DIP2C: variants seen among roughly 807,000 people sequenced by gnomAD.
DIP2C encodes the protein disco-interacting protein 2 homolog C.
DIP2C carries 33 observed loss-of-function variants against 192.4 expected under a neutral mutation model. That is an observed-to-expected ratio of 0.17 (90% CI 0.13 to 0.23). The LOEUF (loss-of-function observed/expected upper bound fraction) is 0.23, where lower values mean the gene tolerates loss of function less well. DIP2C is among the 10% of genes least tolerant of loss of function. The probability of loss-of-function intolerance (pLI) is 1.00; values close to 1 mark genes in which losing one functional copy is unlikely to be tolerated. For missense variants in DIP2C, 1,537 were observed against 2,110.1 expected (o/e 0.73, Z 5.32); for synonymous variants, 979 against 864.1 (o/e 1.13, Z -2.33).
chr10:586,038 C>G (rs1439307492), intron 1 of DIP2C, among the ~76,000 whole-genome samples: 1 of 152,174 alleles, frequency 6.6e-6, no homozygotes, highest in African/African-American at 2.4e-5. Context: ...GACTCCTGGG[C>G]AGAAACGGCT....
chr10:451,382 T>C (rs1037129407), intron 3 of DIP2C, among the ~76,000 whole-genome samples: 2 of 152,208 alleles, frequency 1.3e-5, no homozygotes, highest in African/African-American at 4.8e-5. Context: ...CTATCGCCCT[T>C]CAGTGCCCAG....
At chr10:292,356 C>T (rs746159125) in intron 32 of DIP2C, among the ~76,000 whole-genome samples, 5 of 152,212 alleles carry the variant, frequency 3.3e-5, no homozygotes, top group African/African-American at 9.6e-5. Flanking sequence ...TCTGTCTCAC[C>T]CCTTATTTCT....
rs141387426 is a variant in DIP2C, at chr10:557,249, G to A, written c.86-70719C>T. Among the ~76,000 whole-genome samples the A allele has an allele frequency of 1.2e-3, 181 of 152,318 alleles. 1 individual carries two copies. The highest frequency in any genetic ancestry group is 4.2e-3 in the African/African-American group (173 of 41,580). On this transcript the variant is annotated intron_variant, in intron 1 of 36. Coordinates refer to ENST00000280886, the MANE Select transcript of DIP2C (RefSeq NM_014974.3). Reference sequence around the variant, plus strand: ...AGCAGACACGTCAGCACAGCATCCTGGAGCAGAACCTCCAGCCCAGCTGAA... The same window carrying A: ...AGCAGACACGTCAGCACAGCATCCTAGAGCAGAACCTCCAGCCCAGCTGAA...
Position 476,465 on chromosome 10 carries a change from G to A in DIP2C, c.158-3916C>T, listed in dbSNP as rs72774517. On this transcript the variant is annotated intron_variant, in intron 2 of 36. Coordinates refer to ENST00000280886, the MANE Select transcript of DIP2C (RefSeq NM_014974.3). ...AGCTAACACTGCAGCCCTGGCCTAAGCATTTGATGCGTCACTCATTCCTCA... is the reference window on the plus strand; with the variant it reads ...AGCTAACACTGCAGCCCTGGCCTAAACATTTGATGCGTCACTCATTCCTCA... 2.9e-3 allele frequency among the ~76,000 whole-genome samples: 444 copies of A among 152,300 alleles called. 2 individuals are homozygous for A. The highest frequency in any genetic ancestry group is 6.4e-3 in the East Asian group (33 of 5,170).
chr10:586,456 G>A (rs750079559), intron 1 of DIP2C, among the ~76,000 whole-genome samples: 4 of 149,032 alleles, frequency 2.7e-5, no homozygotes, highest in Non-Finnish European at 5.9e-5. Context: ...ACTAACCTAC[G>A]TCACGCCAGA....
At chr10:297,241 T>TACACACACACACACACACACACAC (rs140637166) in intron 32 of DIP2C, among the ~76,000 whole-genome samples, 11 of 115,550 alleles carry the variant, frequency 9.5e-5, no homozygotes, top group African/African-American at 3.1e-4. Flanking sequence ...CCCCACCACA[T>TACACACACACACACACACACACAC]ACACACACAC....
chr10:366,857 C>A (rs765880931), intron 18 of DIP2C, among the ~76,000 whole-genome samples: 1 of 152,164 alleles, frequency 6.6e-6, no homozygotes, highest in Non-Finnish European at 1.5e-5. Context: ...TCCGAGAACA[C>A]CACTGGAGCG....
rs1484609844 is a variant in DIP2C at position 408,948 on chromosome 10, G to A, written c.1127C>T (p.Pro376Leu). The A allele has an allele frequency of 1.2e-6, 2 of 1,614,198 alleles. No individual in the cohort carries two copies. Among genetic ancestry groups the A allele is most frequent in the East Asian group, 4.5e-5 (2 of 44,886 alleles). ...ILHKLGTKQE[P>L]MVRPGDRVAL... ...TACCCTATCTCCAGGCCGGACCATG[G>A]GTTCCTGCTTTGTGCCTAATTTGTG... Residue 376 changes from proline to leucine, a missense_variant, in exon 9 of 37, where the codon CCC (proline) becomes CTC (leucine). Pro to Leu is a moderately conservative substitution (Grantham distance 98). Around this residue, in one of 4 missense-constraint regions of DIP2C, gnomAD observed 473 missense variants for 539.6 expected, o/e 0.88. Transcript: ENST00000280886.
chr10:347,660 C>T (rs1161848583), intron 26 of DIP2C, among the ~76,000 whole-genome samples: 1 of 132,622 alleles, frequency 7.5e-6, no homozygotes, highest in Non-Finnish European at 1.6e-5. Flanking sequence ...CCCGGAAACC[C>T]CACACTCACC....
chr10:530,935 G>A (rs971750079), intron 1 of DIP2C, among the ~76,000 whole-genome samples: 2 of 152,166 alleles, frequency 1.3e-5, no homozygotes, highest in African/African-American at 4.8e-5. Context: ...CGGGACCTTG[G>A]CAGACTCCCG....
intron 1 of DIP2C, among the ~76,000 whole-genome samples, chr10:499,078 T>C (rs1845050024): frequency 6.6e-6 from 1 of 152,246 alleles, no homozygotes; most frequent in Admixed American, 6.5e-5. Context: ...TATTTTGTTA[T>C]CCTTTTTCAG....
rs1960698676 is a variant in DIP2C at position 369,488 on chromosome 10, A to G, written c.2131+6T>C. The stretch of plus-strand genomic sequence containing the variant: ...TTAATCTGTGCAGCTCGCGACCCAC[A>G]CTCACCTCCAGGCATCACGAGGCCG... On this transcript the variant is annotated splice_donor_region_variant and intron_variant, in intron 18 of 36. Transcript: ENST00000280886. 4 of 1,533,328 alleles carry G rather than the reference A, an allele frequency of 2.6e-6. No homozygotes were observed. The highest frequency in any genetic ancestry group is 3.5e-6 in the Non-Finnish European group (4 of 1,138,158). The allele number at this position is 1,533,328 out of a possible 1,614,324, so 95.0% of individuals were successfully genotyped here. A position where few individuals can be genotyped will look rare whatever the true frequency, so the allele number is the denominator to read the frequency against.
Position 672,004 on chromosome 10 carries a change from C to G in DIP2C, c.85+17490G>C, listed in dbSNP as rs1361413471. On this transcript the variant is annotated intron_variant, in intron 1 of 36. Coordinates refer to ENST00000280886, the MANE Select transcript of DIP2C (RefSeq NM_014974.3). ...AAGGAGGAAACAGGCCATAGACGCA[C>G]GGACGGAGGAAAAGCCACAGACGCA... is the stretch of plus-strand genomic sequence containing the variant. Among the ~76,000 whole-genome samples the G allele has an allele frequency of 2.9e-5, 4 of 136,774 alleles. No individual in the cohort carries two copies. In the East Asian group the frequency reaches 8.9e-4, roughly 30 times the overall value. The allele number at this position is 136,774 out of a possible 152,430, so 89.7% of individuals were successfully genotyped here. A position where few individuals can be genotyped will look rare whatever the true frequency, so the allele number is the denominator to read the frequency against.
intron 1 of DIP2C, among the ~76,000 whole-genome samples, chr10:514,647 C>A (rs377133865): frequency 2.0e-5 from 3 of 151,874 alleles, no homozygotes; most frequent in African/African-American, 7.3e-5. Flanking sequence ...GCCCCTGACA[C>A]CGACCCTCAC....
At chr10:442,391 T>C (rs1185825378) in intron 3 of DIP2C, among the ~76,000 whole-genome samples, 5 of 152,140 alleles carry the variant, frequency 3.3e-5, no homozygotes, top group Non-Finnish European at 7.4e-5. Flanking sequence ...CCTGGTTTTC[T>C]GGCCACTCTT....
At chr10:415,621 T>A in intron 7 of DIP2C, 148 bp downstream of exon 7, 1 of 1,069,742 alleles carries the variant, frequency 9.3e-7, no homozygotes, top group Non-Finnish European at 1.3e-6. Flanking sequence ...CCTGGGAACA[T>A]CACCCGCTCC....
At chr10:625,250 C>G (rs921165699) in intron 1 of DIP2C, among the ~76,000 whole-genome samples, 17 of 152,206 alleles carry the variant, frequency 1.1e-4, no homozygotes, top group Non-Finnish European at 2.2e-4. Flanking sequence ...GCCCTCCTCC[C>G]CCGCCGCTTC....
intron 1 of DIP2C, chr10:649,974 T>A: frequency 1.6e-6 from 1 of 621,756 alleles, no homozygotes; most frequent in South Asian, 1.9e-5. Context: ...AAAGGAAATG[T>A]AAGCAGTGTT....
At chr10:316,751 C>T (rs768395734) in intron 31 of DIP2C, among the ~76,000 whole-genome samples, 66 of 152,244 alleles carry the variant, frequency 4.3e-4, no homozygotes, top group Non-Finnish European at 8.1e-4. Context: ...AGAGAAAATG[C>T]ATCCACTTTT....
Sources: gnomAD v4.1 joint callset for allele counts (sites outside exome capture counted in the v4.1 genomes callset) on GRCh38, gnomAD v4.1.1 for gene constraint, gnomAD v4.1.1 regional missense constraint, MANE v1.5 for transcripts, NCBI Gene and HGNC (gene_info 2026-07-23, HGNC 2026-07-21) for gene names.